The following FMN1 variants were observed in gnomAD, a reference collection of about 807,000 sequenced individuals.
FMN1 encodes formin-1.
In FMN1, 110 loss-of-function variants were observed where a neutral mutation model predicts 132.4. The observed-to-expected ratio is 0.83, with a 90% CI of 0.71 to 0.97. The LOEUF is 0.97. Ranked by LOEUF, FMN1 falls within the 50% of genes least tolerant of loss-of-function variation. The probability of loss-of-function intolerance (pLI) is 0.00; values close to 1 mark genes in which losing one functional copy is unlikely to be tolerated. For missense variants in FMN1, 1,792 were observed against 1,705.3 expected (o/e 1.05, Z -0.90); for synonymous variants, 722 against 651.7 (o/e 1.11, Z -1.64).
intron 9 of FMN1, among the ~76,000 whole-genome samples, chr15:32,955,290 T>C (rs2061739238): frequency 6.6e-6 from 1 of 152,206 alleles, no homozygotes; most frequent in South Asian, 2.1e-4. Flanking sequence ...ATTAAGCATG[T>C]GCCTGTGAGG....
intron 5 of FMN1, chr15:33,066,756 G>T: frequency 6.2e-7 from 1 of 1,613,922 alleles, no homozygotes; most frequent in Non-Finnish European, 8.5e-7. Context: ...TGGCTCTCTT[G>T]GTCAGCATTG....
chr15:32,868,311 T>C (rs1182245464), intron 16 of FMN1, among the ~76,000 whole-genome samples: 1 of 152,238 alleles, frequency 6.6e-6, no homozygotes, highest in Non-Finnish European at 1.5e-5. Context: ...AGTTACAGTA[T>C]AGTACAGCCA....
At chr15:33,063,273 A>C (rs527543460) in intron 6 of FMN1, 1 of 152,436 alleles carries the variant, frequency 6.6e-6, no homozygotes, top group Admixed American at 6.5e-5. Flanking sequence ...GAGTGGGATG[A>C]GAAGAGATCA....
chr15:33,034,029 C>G (rs2036075313), intron 6 of FMN1, among the ~76,000 whole-genome samples: 1 of 152,100 alleles, frequency 6.6e-6, no homozygotes. Flanking sequence ...GGTTCTTCTT[C>G]TCCTCTACGT....
At chr15:32,808,476 GT>G (rs2057758746) in intron 17 of FMN1, among the ~76,000 whole-genome samples, 1 of 152,210 alleles carries the variant, frequency 6.6e-6, no homozygotes, top group Admixed American at 6.5e-5. Context: ...TGGGTTGGCT[GT>G]TTTGCCAGAG....
intron 6 of FMN1, among the ~76,000 whole-genome samples, chr15:33,011,316 G>A (rs1410689854): frequency 3.9e-5 from 6 of 151,992 alleles, no homozygotes; most frequent in Non-Finnish European, 7.4e-5. Flanking sequence ...CACAAAGAAT[G>A]ATCTTTTCAA....
chr15:33,068,028 C>T, intron 5 of FMN1: 2 of 1,442,324 alleles, frequency 1.4e-6, no homozygotes, highest in South Asian at 1.5e-5. Context: ...AGCAAACACA[C>T]TTGGTCTCTT....
At chr15:33,118,018 A>G (rs1416919246) in intron 4 of FMN1, among the ~76,000 whole-genome samples, 2 of 152,190 alleles carry the variant, frequency 1.3e-5, no homozygotes, top group South Asian at 2.1e-4. Context: ...AAATAATGAT[A>G]TAGTGTGTTG....
rs345841 is a variant in FMN1, at chr15:33,020,208, G to A, written c.2162-12133C>T. On this transcript the variant is annotated intron_variant, in intron 6 of 20. Transcript: ENST00000616417. Reference sequence around the variant, plus strand: ...CGAAAGGGGGGCAGTCTTGCAGGACGGAGCCCTCAACTTGTGGTATCAAAT... The same window carrying A: ...CGAAAGGGGGGCAGTCTTGCAGGACAGAGCCCTCAACTTGTGGTATCAAAT... Among the ~76,000 whole-genome samples the A allele has an allele frequency of 1.7e-4, 26 of 152,118 alleles. No individual in the cohort carries two copies. In the South Asian group the frequency reaches 4.1e-3, roughly 24 times the overall value.
chr15:33,090,985 T>C (rs1028185365), intron 4 of FMN1, among the ~76,000 whole-genome samples: 1 of 152,240 alleles, frequency 6.6e-6, no homozygotes, highest in Non-Finnish European at 1.5e-5. Flanking sequence ...CTCACTGTAC[T>C]ACCTCATCTT....
At chr15:32,844,162 C>T (rs905827260) in intron 17 of FMN1, among the ~76,000 whole-genome samples, 2 of 152,142 alleles carry the variant, frequency 1.3e-5, no homozygotes, top group African/African-American at 4.8e-5. Flanking sequence ...TTCTCCCAAT[C>T]TGTTTGAAAG....
chr15:32,981,219 C>T (rs1377807834), intron 7 of FMN1, among the ~76,000 whole-genome samples: 4 of 151,838 alleles, frequency 2.6e-5, no homozygotes, highest in African/African-American at 4.8e-5. Context: ...TGACTGGGTG[C>T]GGTGGCTCAC....
intron 6 of FMN1, among the ~76,000 whole-genome samples, chr15:33,054,482 G>A (rs1324142780): frequency 6.6e-6 from 1 of 152,132 alleles, no homozygotes; most frequent in African/African-American, 2.4e-5. Context: ...AAAACTTTCA[G>A]GATGTAAAAA....
At chr15:33,064,046 C>T (rs1466656721) in intron 6 of FMN1, 3 of 152,180 alleles carry the variant, frequency 2.0e-5, no homozygotes, top group African/African-American at 4.8e-5. Flanking sequence ...GATTCAACTG[C>T]CAGTGTGTTC....
At chr15:33,023,059 C>CAAAAAAAAAAAA (rs758459713) in intron 6 of FMN1, among the ~76,000 whole-genome samples, 4 of 53,184 alleles carry the variant, frequency 7.5e-5, no homozygotes, top group Non-Finnish European at 1.0e-4. Context: ...CTCCCCCACC[C>CAAAAAAAAAAAA]AAAAAAAAAA....
At chr15:33,013,324 T>C (rs2034842558) in intron 6 of FMN1, among the ~76,000 whole-genome samples, 1 of 152,250 alleles carries the variant, frequency 6.6e-6, no homozygotes, top group Non-Finnish European at 1.5e-5. Context: ...CCAAGGGTTT[T>C]AATACAGTGG....
chr15:32,772,247 C>T lies in FMN1; in HGVS notation c.*2063G>A, dbSNP rs755535622. On this transcript the variant is annotated 3_prime_UTR_variant, in exon 21 of 21. Transcript: ENST00000616417. The stretch of plus-strand genomic sequence containing the variant: ...GCCCTGCTTACCTTCACTGATTTCT[C>T]GTAAGCATCCTACTTACAGACCAAA... 6.6e-6 allele frequency: 1 copy of T among 152,218 alleles called. No homozygotes were observed. The highest frequency in any genetic ancestry group is 1.5e-5 in the Non-Finnish European group (1 of 68,070). 9.4% of individuals were successfully genotyped at this position (152,218 alleles called of 1,614,324 possible).
intron 17 of FMN1, among the ~76,000 whole-genome samples, chr15:32,825,652 T>C (rs538580904): frequency 1.3e-5 from 2 of 152,380 alleles, no homozygotes; most frequent in African/African-American, 4.8e-5. Flanking sequence ...TTATCTGTCC[T>C]GTTCATGACT....
rs1171363549 is a variant in FMN1, at chr15:32,770,659, G to A, written c.*3651C>T. 1 of 152,170 alleles carries A rather than the reference G, an allele frequency of 6.6e-6. No individual in the cohort carries two copies. The highest frequency in any genetic ancestry group is 1.5e-5 in the Non-Finnish European group (1 of 68,050). 9.4% of individuals were successfully genotyped at this position (152,170 alleles called of 1,614,324 possible). ...CTTATGAAAACAGGAGGTGCCTGAA[G>A]GAGGCTGAGAAGAGGTTTGCAGCTT... On this transcript the variant is annotated 3_prime_UTR_variant, in exon 21 of 21. Transcript: ENST00000616417.
Sources: allele counts gnomAD v4.1 joint callset (sites outside exome capture counted in the v4.1 genomes callset), GRCh38; gene constraint gnomAD v4.1.1; transcripts MANE v1.5; gene names NCBI Gene and HGNC (gene_info 2026-07-23, HGNC 2026-07-21).